MCF2L2: variants seen among roughly 807,000 people sequenced by gnomAD.
The protein encoded by MCF2L2 is probable guanine nucleotide exchange factor MCF2L2.
MCF2L2 carries 102 observed loss-of-function variants against 150.2 expected under a neutral mutation model. The observed-to-expected ratio is 0.68, with a 90% CI of 0.58 to 0.80. MCF2L2 has a LOEUF of 0.80. Among genes scored for constraint, MCF2L2 ranks in the 30% least tolerant of loss-of-function variants. The pLI, the probability that MCF2L2 is intolerant of heterozygous loss-of-function variation, is 0.00. For synonymous variants in MCF2L2, 465 were observed against 491.3 expected, an observed-to-expected ratio of 0.95 and a Z score of 0.71; for missense variants, 1,256 against 1,372.8, an observed-to-expected ratio of 0.91 and a Z score of 1.34.
At chr3:183,298,352 T>C (rs1384786446) in intron 11 of MCF2L2, 1 of 152,142 alleles carries the variant, frequency 6.6e-6, no homozygotes, top group Admixed American at 6.5e-5. Context: ...AAAGTAACTA[T>C]ACAGAGAAAA....
At chr3:183,318,280 T>C (rs1322082569) in intron 6 of MCF2L2, 63 bp from the exon 7 acceptor site, 28 of 1,550,218 alleles carry the variant, frequency 1.8e-5, no homozygotes, top group African/African-American at 2.7e-5. Flanking sequence ...GCTGTCTTGA[T>C]GGAAAGACAA....
chr3:183,324,303 C>T (rs1297562205), intron 5 of MCF2L2, among the ~76,000 whole-genome samples: 2 of 152,178 alleles, frequency 1.3e-5, no homozygotes, highest in African/African-American at 4.8e-5. Context: ...TTGCCCCTTT[C>T]TATTCCTTGG....
intron 22 of MCF2L2, among the ~76,000 whole-genome samples, chr3:183,209,561 T>C (rs1008623652): frequency 6.6e-6 from 1 of 152,192 alleles, no homozygotes; most frequent in South Asian, 2.1e-4. Context: ...CGACCTTGGC[T>C]CACCGCAACC....
chr3:183,282,717 T>A (rs1004256032), intron 14 of MCF2L2, among the ~76,000 whole-genome samples: 13 of 152,258 alleles, frequency 8.5e-5, no homozygotes, highest in African/African-American at 3.1e-4. Context: ...TAACAATTTT[T>A]ATGTCTGTAA....
intron 15 of MCF2L2, among the ~76,000 whole-genome samples, chr3:183,240,435 T>G (rs1206096368): frequency 6.6e-6 from 1 of 152,182 alleles, no homozygotes; most frequent in East Asian, 1.9e-4. Flanking sequence ...GCCAGGCTGG[T>G]CTCGAACTCC....
At chr3:183,348,640 G>A (rs1020139007) in intron 3 of MCF2L2, among the ~76,000 whole-genome samples, 1 of 152,126 alleles carries the variant, frequency 6.6e-6, no homozygotes, top group African/African-American at 2.4e-5. Flanking sequence ...ACACTTTTGT[G>A]TATGAGGAGA....
intron 15 of MCF2L2, among the ~76,000 whole-genome samples, chr3:183,245,527 G>C (rs1183816271): frequency 6.6e-6 from 1 of 152,142 alleles, no homozygotes; most frequent in East Asian, 1.9e-4. Flanking sequence ...GGGAGGTATA[G>C]GAGATTGATG....
chr3:183,265,768 G>A (rs1726056436), intron 15 of MCF2L2, among the ~76,000 whole-genome samples: 1 of 152,152 alleles, frequency 6.6e-6, no homozygotes, highest in East Asian at 1.9e-4. Flanking sequence ...AAGTATTGAG[G>A]AGTTTTACCT....
At chr3:183,248,764 G>A (rs1724377459) in intron 15 of MCF2L2, among the ~76,000 whole-genome samples, 1 of 152,170 alleles carries the variant, frequency 6.6e-6, no homozygotes, top group African/African-American at 2.4e-5. Flanking sequence ...CTTGAGCCTA[G>A]AAGGTCAAGC....
intron 1 of MCF2L2, among the ~76,000 whole-genome samples, chr3:183,390,919 A>T (rs569927159): frequency 4.0e-4 from 61 of 152,250 alleles, no homozygotes; most frequent in African/African-American, 1.4e-3. Flanking sequence ...AACAAAACAA[A>T]AACAATAACA....
intron 27 of MCF2L2, among the ~76,000 whole-genome samples, chr3:183,188,886 T>C (rs1046952255): frequency 5.3e-5 from 8 of 152,082 alleles, no homozygotes; most frequent in Non-Finnish European, 1.2e-4. Context: ...GAGAATCACT[T>C]GCACCCAGGA....
At chr3:183,376,663 CACAGATTA>C (rs2108583765) in intron 3 of MCF2L2, 1 of 152,338 alleles carries the variant, frequency 6.6e-6, no homozygotes, top group Admixed American at 6.5e-5. Context: ...ATCGACAAAA[CACAGATTA>C]ACATGAGAAA....
At chr3:183,387,218 C>T (rs779639298) in intron 2 of MCF2L2, among the ~76,000 whole-genome samples, 1 of 149,892 alleles carries the variant, frequency 6.7e-6, no homozygotes, top group Non-Finnish European at 1.5e-5. Flanking sequence ...TGAGCCAAGA[C>T]GGTGCCACTG....
At chr3:183,363,045 A>T (rs1202869719) in intron 3 of MCF2L2, among the ~76,000 whole-genome samples, 1 of 152,140 alleles carries the variant, frequency 6.6e-6, no homozygotes, top group Non-Finnish European at 1.5e-5. Context: ...ATATGAAAAG[A>T]TGTTCAACAT....
intron 27 of MCF2L2, among the ~76,000 whole-genome samples, chr3:183,190,690 C>T (rs1247168060): frequency 1.3e-5 from 2 of 152,184 alleles, no homozygotes; most frequent in Non-Finnish European, 2.9e-5. Context: ...ACCTCACAGG[C>T]ATTTCCTGGC....
chr3:183,243,587 T>C (rs796723089), intron 15 of MCF2L2, among the ~76,000 whole-genome samples: 9 of 152,306 alleles, frequency 5.9e-5, no homozygotes, highest in African/African-American at 2.2e-4. Context: ...TTTTCTTCTA[T>C]CAGTTTGTCC....
Position 183,179,757 on chromosome 3 carries a change from G to C in MCF2L2, c.3106-65C>G. Reference sequence around the variant, plus strand: ...TGGAGGCTGTGGCCAGACCGGGCAAGGTGGTGACTCCCGCTGGCAGGCTGA... The same window carrying C: ...TGGAGGCTGTGGCCAGACCGGGCAACGTGGTGACTCCCGCTGGCAGGCTGA... On this transcript the variant is annotated intron_variant, in intron 28 of 29. Coordinates refer to ENST00000328913, the MANE Select transcript of MCF2L2 (RefSeq NM_015078.4). This position sits in a 1 kb window ranked among gnomAD's most constrained non-coding sequence, Gnocchi z 4.2. 2.8e-6 allele frequency: 4 copies of C among 1,422,270 alleles called. No individual in the cohort carries two copies. Among genetic ancestry groups the C allele is most frequent in the Non-Finnish European group, 3.9e-6 (4 of 1,017,076 alleles). 88.1% of individuals were successfully genotyped at this position (1,422,270 alleles called of 1,614,324 possible). A position where few individuals can be genotyped will look rare whatever the true frequency, so the allele number is the denominator to read the frequency against.
At chr3:183,221,615 G>A (rs917476642) in intron 20 of MCF2L2, among the ~76,000 whole-genome samples, 2 of 152,232 alleles carry the variant, frequency 1.3e-5, no homozygotes, top group African/African-American at 4.8e-5. Context: ...CATCACTTTC[G>A]TCCTGCTCAT....
chr3:183,415,710 T>A (rs985063122), intron 1 of MCF2L2, among the ~76,000 whole-genome samples: 1 of 152,204 alleles, frequency 6.6e-6, no homozygotes, highest in Non-Finnish European at 1.5e-5. Context: ...ACAGTTTGTA[T>A]CATACATCTT....
Sources: allele counts gnomAD v4.1 joint callset (sites outside exome capture counted in the v4.1 genomes callset), GRCh38; gene constraint gnomAD v4.1.1; non-coding constraint Gnocchi (gnomAD v3.1); transcripts MANE v1.5; gene names NCBI Gene and HGNC (gene_info 2026-07-23, HGNC 2026-07-21).